The following MN1 variants were observed in gnomAD, a reference collection of about 807,000 sequenced individuals.
MN1 encodes MN1 proto-oncogene, transcriptional regulator.
In MN1, 19 loss-of-function variants were observed where a neutral mutation model predicts 86.9. That is an observed-to-expected ratio of 0.22 (90% CI 0.15 to 0.32). The LOEUF (loss-of-function observed/expected upper bound fraction) is 0.32. MN1 is among the 10% of genes least tolerant of loss of function. MN1 has a pLI of 1.00. For missense variants in MN1, 1,841 were observed against 1,862.0 expected, an observed-to-expected ratio of 0.99 and a Z score of 0.21; for synonymous variants, 928 against 849.6, an observed-to-expected ratio of 1.09 and a Z score of -1.60.
At chr22:27,780,609 G>C (rs1477764488) in intron 1 of MN1, among the ~76,000 whole-genome samples, 1 of 152,178 alleles carries the variant, frequency 6.6e-6, no homozygotes, top group South Asian at 2.1e-4. Flanking sequence ...AGAATCACCA[G>C]AACACTAGTG....
chr22:27,769,991 G>A (rs1369482757), intron 1 of MN1, among the ~76,000 whole-genome samples: 4 of 152,122 alleles, frequency 2.6e-5, no homozygotes, highest in Non-Finnish European at 5.9e-5. Context: ...AAGGAGAGTC[G>A]ATGGCTCAGT....
At chr22:27,757,142 C>T (rs1408783289) in intron 1 of MN1, among the ~76,000 whole-genome samples, 3 of 152,128 alleles carry the variant, frequency 2.0e-5, no homozygotes, top group African/African-American at 7.2e-5. Flanking sequence ...AGAGTCAGAG[C>T]CTGATCAAGG....
At chr22:27,755,842 A>C (rs1011275873) in intron 1 of MN1, among the ~76,000 whole-genome samples, 4 of 152,234 alleles carry the variant, frequency 2.6e-5, no homozygotes, top group African/African-American at 9.6e-5. Flanking sequence ...CAATTGCGTG[A>C]ATAACTCAAC....
chr22:27,752,210 C>G (rs1185371001), intron 1 of MN1, among the ~76,000 whole-genome samples: 1 of 152,182 alleles, frequency 6.6e-6, no homozygotes, highest in Non-Finnish European at 1.5e-5. Context: ...GGAGTGTCCA[C>G]CCGGCTCATG....
At chr22:27,756,605 C>T (rs1221942742) in intron 1 of MN1, among the ~76,000 whole-genome samples, 2 of 152,186 alleles carry the variant, frequency 1.3e-5, no homozygotes, top group Admixed American at 1.3e-4. Flanking sequence ...GTGCTCACCT[C>T]TTCTCTAGTA....
intron 1 of MN1, among the ~76,000 whole-genome samples, chr22:27,757,324 C>A (rs963987246): frequency 1.3e-5 from 2 of 152,174 alleles, no homozygotes; most frequent in Non-Finnish European, 2.9e-5. Flanking sequence ...CGTGAGCCAC[C>A]GCACCCGGCG....
intron 1 of MN1, among the ~76,000 whole-genome samples, chr22:27,782,723 A>G (rs1933070457): frequency 6.6e-6 from 1 of 152,240 alleles, no homozygotes; most frequent in Non-Finnish European, 1.5e-5. Flanking sequence ...CAGAAAGATT[A>G]AGTAACCTGC....
At chr22:27,757,669 C>T (rs1932810150) in intron 1 of MN1, among the ~76,000 whole-genome samples, 1 of 152,038 alleles carries the variant, frequency 6.6e-6, no homozygotes, top group African/African-American at 2.4e-5. Flanking sequence ...AGCTGCCACT[C>T]AACTGGGGGG....
At position 27,748,670 on chromosome 22, in the gene MN1, T is replaced by C. The variant is rs1932722083; in HGVS notation, c.*2245A>G. ...AACCAAATTTAATGAAATAACATCC[T>C]TTTGCTTAAGGCTATTTTTAAAGCT... On this transcript the variant is annotated 3_prime_UTR_variant, in exon 2 of 2. Transcript: ENST00000302326. 3 of 214,008 alleles carry C rather than the reference T, an allele frequency of 1.4e-5. No individual in the cohort carries two copies. The highest frequency in any genetic ancestry group is 1.9e-4 in the South Asian group (1 of 5,342). 13.3% of individuals were successfully genotyped at this position (214,008 alleles called of 1,614,324 possible). A position where few individuals can be genotyped will look rare whatever the true frequency, so the allele number is the denominator to read the frequency against.
intron 1 of MN1, among the ~76,000 whole-genome samples, chr22:27,777,863 T>C (rs1476328405): frequency 6.7e-6 from 1 of 149,840 alleles, no homozygotes; most frequent in African/African-American, 2.5e-5. Context: ...GCCACACAAG[T>C]GAGACTGCAT....
rs531031602 is a variant in MN1, at chr22:27,769,434, C to T, written c.3782-18338G>A. On this transcript the variant is annotated intron_variant, in intron 1 of 1. Coordinates refer to ENST00000302326, the MANE Select transcript of MN1 (RefSeq NM_002430.3). Reference sequence around the variant, plus strand: ...TCCTGTTCTCTCCCAGCATGTTTCCCCCATTAAAACTCTGGATGGTGGAAA... The same window carrying T: ...TCCTGTTCTCTCCCAGCATGTTTCCTCCATTAAAACTCTGGATGGTGGAAA... 1.5e-4 allele frequency among the ~76,000 whole-genome samples: 23 copies of T among 152,126 alleles called. No homozygotes were observed. The South Asian group carries it at 4.8e-3, about 32-fold the overall frequency.
chr22:27,761,489 G>C (rs1037323724), intron 1 of MN1, among the ~76,000 whole-genome samples: 1 of 150,138 alleles, frequency 6.7e-6, no homozygotes. Context: ...GGGTGACACA[G>C]AAGCTGAGGA....
intron 1 of MN1, among the ~76,000 whole-genome samples, chr22:27,793,184 G>A (rs1314859462): frequency 6.6e-6 from 1 of 152,296 alleles, no homozygotes; most frequent in Admixed American, 6.5e-5. Context: ...AAAGATAAAC[G>A]TATTACAGAA....
intron 1 of MN1, among the ~76,000 whole-genome samples, chr22:27,779,372 C>A (rs1276102766): frequency 6.6e-6 from 1 of 152,170 alleles, no homozygotes; most frequent in Non-Finnish European, 1.5e-5. Flanking sequence ...ACATCCCGGC[C>A]CCCAGGCTAG....
chr22:27,770,490 G>A (rs888606325), intron 1 of MN1, among the ~76,000 whole-genome samples: 5 of 152,176 alleles, frequency 3.3e-5, no homozygotes, highest in African/African-American at 1.2e-4. Flanking sequence ...TCCCAGCTGT[G>A]TGACTTTGGA....
chr22:27,749,010 T>A lies in MN1; in HGVS notation c.*1905A>T, dbSNP rs1175991874. 8.6e-6 allele frequency: 2 copies of A among 231,466 alleles called. No individual in the cohort carries two copies. The highest frequency in any genetic ancestry group is 1.7e-5 in the Non-Finnish European group (2 of 116,986). The allele number at this position is 231,466 out of a possible 1,614,324, so 14.3% of individuals were successfully genotyped here. A position where few individuals can be genotyped will look rare whatever the true frequency, so the allele number is the denominator to read the frequency against. On this transcript the variant is annotated 3_prime_UTR_variant, in exon 2 of 2. Transcript: ENST00000302326. ...AATTCCCTTCCCTTTCCATTCCTTT[T>A]GTAGCAGAACGCAGGAACTGCCTCG...
chr22:27,800,356 A>G lies in MN1; in HGVS notation c.188T>C (p.Met63Thr). 1 of 1,606,824 alleles carries G rather than the reference A, an allele frequency of 6.2e-7. No individual in the cohort carries two copies. The highest frequency in any genetic ancestry group is 1.1e-5 in the South Asian group (1 of 90,096). Residue 63 changes from methionine (M) to threonine (T), a missense_variant, in exon 1 of 2, where the codon ATG (methionine) becomes ACG (threonine). By Grantham distance (81) the Met-to-Thr change is moderately conservative. Transcript: ENST00000302326. ...GTGGAAGCCGTAGGGCTCCATGTTC[A>G]TGCCCAAGATCGGGGGTTCGCCCAG... ...SALGEPPILG[M>T]NMEPYGFHAR...
chr22:27,766,729 G>A (rs564790370), intron 1 of MN1, among the ~76,000 whole-genome samples: 1 of 152,092 alleles, frequency 6.6e-6, no homozygotes, highest in Non-Finnish European at 1.5e-5. Context: ...ATTTATTAGG[G>A]AAACCAAGGC....
At chr22:27,782,886 T>C (rs962971719) in intron 1 of MN1, among the ~76,000 whole-genome samples, 3 of 152,162 alleles carry the variant, frequency 2.0e-5, no homozygotes, top group Non-Finnish European at 2.9e-5. Flanking sequence ...ACTTTTTTTT[T>C]CCTCTTGTCA....
Sources: allele counts gnomAD v4.1 joint callset (sites outside exome capture counted in the v4.1 genomes callset), GRCh38; gene constraint gnomAD v4.1.1; transcripts MANE v1.5; gene names NCBI Gene and HGNC (gene_info 2026-07-23, HGNC 2026-07-21).